The following GRIN2A variants were observed in gnomAD, a reference collection of about 807,000 sequenced individuals.
GRIN2A encodes the protein glutamate ionotropic receptor NMDA type subunit 2A.
In GRIN2A, 22 loss-of-function variants were observed where a neutral mutation model predicts 113.4. The ratio of observed to expected loss-of-function variants is 0.19; its 90% CI spans 0.14 to 0.28. The LOEUF (loss-of-function observed/expected upper bound fraction) is 0.28. Ranked by LOEUF, GRIN2A falls within the 10% of genes least tolerant of loss-of-function variation. GRIN2A has a pLI of 1.00. For missense variants in GRIN2A, 1,502 were observed against 1,887.0 expected (o/e 0.80, Z 3.78); for synonymous variants, 827 against 738.4 (o/e 1.12, Z -1.94).
At chr16:9,810,635 G>A (rs1412884193) in intron 10 of GRIN2A, among the ~76,000 whole-genome samples, 1 of 152,122 alleles carries the variant, frequency 6.6e-6, no homozygotes, top group East Asian at 1.9e-4. Flanking sequence ...AACACCTGGA[G>A]GCACCAGAAA....
At chr16:9,890,209 TAAC>T in intron 4 of GRIN2A, among the ~76,000 whole-genome samples, 1 of 152,310 alleles carries the variant, frequency 6.6e-6, no homozygotes, top group Non-Finnish European at 1.5e-5. Flanking sequence ...AAAAATAAGA[TAAC>T]AACGTAACAA....
rs186099525 is a variant in GRIN2A, at chr16:9,989,127, T to C, written c.415-50576A>G. ...AAAGAATAAAGCCAAAGCCATCACA[T>C]TACCTAACTTCAAACTATACTACAA... On this transcript the variant is annotated intron_variant, in intron 2 of 12. Coordinates refer to ENST00000330684, the MANE Select transcript of GRIN2A (RefSeq NM_001134407.3). Among the ~76,000 whole-genome samples the C allele has an allele frequency of 8.5e-5, 13 of 152,190 alleles. No individual in the cohort carries two copies. In the East Asian group the frequency reaches 1.5e-3, roughly 18 times the overall value.
chr16:10,157,549 C>T (rs949986325), intron 2 of GRIN2A, among the ~76,000 whole-genome samples: 1 of 152,162 alleles, frequency 6.6e-6, no homozygotes, highest in African/African-American at 2.4e-5. Flanking sequence ...AGAAAACTTA[C>T]AATCATGGCA....
rs933399485 is a variant in GRIN2A, at chr16:10,141,334, C to T, written c.414+38664G>A. Among the ~76,000 whole-genome samples, 4 of 149,632 alleles carry T rather than the reference C, an allele frequency of 2.7e-5. No individual in the cohort carries two copies. In the East Asian group the frequency reaches 8.0e-4, roughly 30 times the overall value. On this transcript the variant is annotated intron_variant, in intron 2 of 12. Transcript: ENST00000330684. ...TGAAACCCTGTCTCTAATAAAAATACAAAAATAGCCAGGCATGGTGGTATG... is the reference window on the plus strand; with the variant it reads ...TGAAACCCTGTCTCTAATAAAAATATAAAAATAGCCAGGCATGGTGGTATG...
rs544972574 is a variant in GRIN2A at position 10,118,588 on chromosome 16, C to T, written c.414+61410G>A. 3.3e-5 allele frequency among the ~76,000 whole-genome samples: 5 copies of T among 152,302 alleles called. No homozygotes were observed. The East Asian group carries it at 7.7e-4, about 23-fold the overall frequency. ...GTAATTAGGATATAGAAATTGGGCA[C>T]AATCTATGTCTTCCAGTCCTGGTAT... On this transcript the variant is annotated intron_variant, in intron 2 of 12. Coordinates refer to ENST00000330684, the MANE Select transcript of GRIN2A (RefSeq NM_001134407.3).
chr16:9,887,979 C>T (rs1034370965), intron 4 of GRIN2A, among the ~76,000 whole-genome samples: 22 of 152,290 alleles, frequency 1.4e-4, no homozygotes, highest in African/African-American at 2.6e-4. Flanking sequence ...CTCGTTCTCT[C>T]GCCCAGGCTG....
intron 4 of GRIN2A, 72 bp downstream of exon 4, chr16:9,890,914 A>C: frequency 1.1e-6 from 1 of 922,514 alleles, no homozygotes; most frequent in South Asian, 1.3e-5. Context: ...TGGGAGAAAG[A>C]AGCACTGTGA....
At chr16:10,086,724 C>T (rs750897949) in intron 2 of GRIN2A, among the ~76,000 whole-genome samples, 1 of 152,018 alleles carries the variant, frequency 6.6e-6, no homozygotes, top group Non-Finnish European at 1.5e-5. Context: ...GCAAGCAAAG[C>T]GTAGGCATAT....
intron 8 of GRIN2A, among the ~76,000 whole-genome samples, chr16:9,831,145 T>A (rs1027007630): frequency 6.6e-6 from 1 of 152,188 alleles, no homozygotes; most frequent in African/African-American, 2.4e-5. Context: ...GCAGATGAGC[T>A]GGAAACAGAG....
chr16:10,115,262 T>C (rs1324775492), intron 2 of GRIN2A, among the ~76,000 whole-genome samples: 5 of 152,210 alleles, frequency 3.3e-5, no homozygotes, highest in African/African-American at 9.7e-5. Flanking sequence ...GTAATTTCCT[T>C]ATGGTTTCAA....
chr16:10,173,893 C>T (rs1055241069), intron 2 of GRIN2A, among the ~76,000 whole-genome samples: 2 of 152,200 alleles, frequency 1.3e-5, no homozygotes, highest in African/African-American at 4.8e-5. Context: ...AGTGAACACA[C>T]TCAGTAACCT....
chr16:9,979,454 T>A (rs1048454393), intron 2 of GRIN2A, among the ~76,000 whole-genome samples: 1 of 152,280 alleles, frequency 6.6e-6, no homozygotes, highest in East Asian at 1.9e-4. Flanking sequence ...GCTGTTCCCA[T>A]CATCAGGACC....
chr16:10,070,490 C>T (rs1288578613), intron 2 of GRIN2A, among the ~76,000 whole-genome samples: 2 of 151,990 alleles, frequency 1.3e-5, no homozygotes, highest in African/African-American at 2.4e-5. Context: ...TACAACATTG[C>T]CATATGTCAG....
chr16:10,121,454 A>C (rs2048830875), intron 2 of GRIN2A: 1 of 138,286 alleles, frequency 7.2e-6, no homozygotes, highest in Non-Finnish European at 1.6e-5. Context: ...TCTCCTCTGG[A>C]ATCGCTCTCA....
At chr16:10,154,586 G>GC (rs1309571523) in intron 2 of GRIN2A, among the ~76,000 whole-genome samples, 1 of 152,080 alleles carries the variant, frequency 6.6e-6, no homozygotes, top group Admixed American at 6.6e-5. Flanking sequence ...TTTATGGAAT[G>GC]ACTCACTGAA....
intron 11 of GRIN2A, among the ~76,000 whole-genome samples, chr16:9,773,484 G>C (rs1386069685): frequency 6.6e-6 from 1 of 152,156 alleles, no homozygotes; most frequent in Non-Finnish European, 1.5e-5. Context: ...CTGATAAATG[G>C]GGCAATTAAA....
At chr16:10,109,014 TAAAAA>T (rs56946708) in intron 2 of GRIN2A, among the ~76,000 whole-genome samples, 11,445 of 114,064 alleles carry the variant, frequency 0.1, 447 homozygotes, top group Middle Eastern at 0.12. Flanking sequence ...TGATTCTCTT[TAAAAA>T]AAAAAAAAAA....
intron 2 of GRIN2A, among the ~76,000 whole-genome samples, chr16:10,018,027 G>C (rs1278378639): frequency 6.6e-6 from 1 of 152,176 alleles, no homozygotes; most frequent in African/African-American, 2.4e-5. Context: ...TTGCATCCAA[G>C]GAGGGATTCT....
intron 2 of GRIN2A, among the ~76,000 whole-genome samples, chr16:10,038,615 G>A (rs557571984): frequency 4.6e-5 from 7 of 151,890 alleles, no homozygotes; most frequent in Non-Finnish European, 1.0e-4. Flanking sequence ...AGGCCGAGGC[G>A]GGCAGATCAC....
Sources: allele counts gnomAD v4.1 joint callset (sites outside exome capture counted in the v4.1 genomes callset), GRCh38; gene constraint gnomAD v4.1.1; transcripts MANE v1.5; gene names NCBI Gene and HGNC (gene_info 2026-07-23, HGNC 2026-07-21).